The following GAB2 variants were observed in gnomAD, a reference collection of about 807,000 sequenced individuals.
The protein encoded by GAB2 is GRB2-associated-binding protein 2.
GAB2 carries 26 observed loss-of-function variants against 65.5 expected under a neutral mutation model. The ratio of observed to expected loss-of-function variants is 0.40; its 90% confidence interval spans 0.29 to 0.55. GAB2 has a LOEUF of 0.55. GAB2 is among the 20% of genes least tolerant of loss of function. The pLI, the probability that GAB2 is intolerant of heterozygous loss-of-function variation, is 0.53. For synonymous variants in GAB2, 321 were observed against 329.6 expected, an observed-to-expected ratio of 0.97 and a Z score of 0.28; for missense variants, 884 against 875.8, an observed-to-expected ratio of 1.01 and a Z score of -0.12.
chr11:78,286,993 G>A (rs1866502368), intron 1 of GAB2, among the ~76,000 whole-genome samples: 1 of 152,074 alleles, frequency 6.6e-6, no homozygotes, highest in Non-Finnish European at 1.5e-5. Context: ...ATGGATTATG[G>A]ACTTACACAT....
chr11:78,244,225 C>CT (rs1296059775), intron 3 of GAB2, among the ~76,000 whole-genome samples: 2 of 152,022 alleles, frequency 1.3e-5, no homozygotes, highest in Non-Finnish European at 2.9e-5. Context: ...AATCCTGTCT[C>CT]TATTAAAAAT....
intron 1 of GAB2, among the ~76,000 whole-genome samples, chr11:78,377,851 G>T (rs1856651072): frequency 6.6e-6 from 1 of 152,166 alleles, no homozygotes; most frequent in African/African-American, 2.4e-5. Flanking sequence ...CAGAGATAAG[G>T]AGGATGAATC....
At chr11:78,274,150 C>A (rs1372676293) in intron 2 of GAB2, among the ~76,000 whole-genome samples, 1 of 152,154 alleles carries the variant, frequency 6.6e-6, no homozygotes, top group Non-Finnish European at 1.5e-5. Context: ...TGGTGCACAC[C>A]TGTAGTCCCA....
chr11:78,341,213 C>T (rs1856088207), intron 1 of GAB2, among the ~76,000 whole-genome samples: 1 of 152,164 alleles, frequency 6.6e-6, no homozygotes, highest in Admixed American at 6.5e-5. Context: ...TGGATATATT[C>T]ATTTATTCAT....
intron 2 of GAB2, among the ~76,000 whole-genome samples, chr11:78,266,237 AAT>A (rs1554980627): frequency 1.3e-5 from 2 of 150,464 alleles, no homozygotes; most frequent in African/African-American, 4.9e-5. Context: ...AAAAAAAAAA[AAT>A]CATGTGGATA....
rs1443372967 is a variant in GAB2, at chr11:78,417,655, C to T, written c.66G>A (p.Leu22=). 1.4e-6 allele frequency: 2 copies of T among 1,387,784 alleles called. No homozygotes were observed. The highest frequency in any genetic ancestry group is 2.6e-5 in the South Asian group (2 of 76,772). 86.0% of individuals were successfully genotyped at this position (1,387,784 alleles called of 1,614,324 possible). A position where few individuals can be genotyped will look rare whatever the true frequency, so the allele number is the denominator to read the frequency against. ...WLRKSPPEKK[L]RRYAWKKRWF... ...CCGCGCCCGCACTCACATAGCGCCTCAACTTCTTCTCGGGAGGCGATTTCC... is the reference window on the plus strand; with the variant it reads ...CCGCGCCCGCACTCACATAGCGCCTTAACTTCTTCTCGGGAGGCGATTTCC... The change falls in exon 1 of 10, where the codon TTG becomes TTA. Residue 22 remains leucine (L), a synonymous_variant. Transcript: ENST00000361507.
intron 1 of GAB2, among the ~76,000 whole-genome samples, chr11:78,313,834 C>G (rs1002924073): frequency 6.6e-6 from 1 of 152,186 alleles, no homozygotes; most frequent in Admixed American, 6.5e-5. Context: ...CCTGGGGCCT[C>G]TACAAATTGA....
chr11:78,323,267 TG>T (rs1447503474), intron 1 of GAB2, among the ~76,000 whole-genome samples: 2 of 152,162 alleles, frequency 1.3e-5, no homozygotes, highest in African/African-American at 4.8e-5. Context: ...CCCTGCACTT[TG>T]GGAGACTGAG....
chr11:78,287,644 T>G (rs1169664026), intron 1 of GAB2, among the ~76,000 whole-genome samples: 1 of 147,528 alleles, frequency 6.8e-6, no homozygotes, highest in Non-Finnish European at 1.5e-5. Flanking sequence ...ACATTTGCTC[T>G]TATCATTTTT....
intron 1 of GAB2, among the ~76,000 whole-genome samples, chr11:78,377,086 A>G (rs548899861): frequency 1.3e-5 from 2 of 152,352 alleles, no homozygotes; most frequent in South Asian, 4.1e-4. Flanking sequence ...GCTTCACCAG[A>G]AGCTGAGCAG....
At chr11:78,309,787 G>GA (rs1433371730) in intron 1 of GAB2, among the ~76,000 whole-genome samples, 1 of 152,148 alleles carries the variant, frequency 6.6e-6, no homozygotes, top group Non-Finnish European at 1.5e-5. Context: ...AGGATATAGA[G>GA]AGTAACATCC....
chr11:78,406,035 C>A (rs1322303536), intron 1 of GAB2, among the ~76,000 whole-genome samples: 2 of 152,192 alleles, frequency 1.3e-5, no homozygotes, highest in African/African-American at 4.8e-5. Context: ...CAGAGGTTGT[C>A]ATGAGGCCAG....
Position 78,226,620 on chromosome 11 carries a change from G to GGGGGGGGGGGGGCCCC in GAB2, c.1051_1052insGGGGCCCCCCCCCCCC (p.Pro351ArgfsTer32). On this transcript the variant is annotated frameshift_variant, in exon 4 of 10. Transcript: ENST00000361507. LOFTEE classifies it high-confidence loss of function. ...ACTTGGCTTGGGGGGGCGGGGTGGG[G>GGGGGGGGGGGGGCCCC]GAGCTATGGCTGAGTCCCCAGGAGT... 2 of 1,500,546 alleles carry GGGGGGGGGGGGGCCCC rather than the reference G, an allele frequency of 1.3e-6. No homozygotes were observed. Among genetic ancestry groups the GGGGGGGGGGGGGCCCC allele is most frequent in the Non-Finnish European group, 1.9e-6 (2 of 1,079,010 alleles). The allele number at this position is 1,500,546 out of a possible 1,614,324, so 93.0% of individuals were successfully genotyped here. A position where few individuals can be genotyped will look rare whatever the true frequency, so the allele number is the denominator to read the frequency against.
intron 2 of GAB2, among the ~76,000 whole-genome samples, chr11:78,256,687 C>T (rs1037508582): frequency 6.6e-6 from 1 of 152,202 alleles, no homozygotes; most frequent in African/African-American, 2.4e-5. Context: ...ACCTGTCTGT[C>T]TCACTGGGTT....
chr11:78,306,382 C>T (rs192933399), intron 1 of GAB2, among the ~76,000 whole-genome samples: 34 of 152,264 alleles, frequency 2.2e-4, no homozygotes, highest in Admixed American at 8.5e-4. Context: ...AGGCACACGC[C>T]GCCACGCCCG....
At chr11:78,220,680 G>T (rs1198759033) in intron 8 of GAB2, among the ~76,000 whole-genome samples, 1 of 152,144 alleles carries the variant, frequency 6.6e-6, no homozygotes, top group Non-Finnish European at 1.5e-5. Flanking sequence ...TTTACTTTCA[G>T]AGAAGTGACT....
intron 3 of GAB2, among the ~76,000 whole-genome samples, chr11:78,231,584 G>A (rs1323919565): frequency 2.0e-5 from 3 of 152,130 alleles, no homozygotes; most frequent in Non-Finnish European, 1.5e-5. Context: ...TCCTGACCTC[G>A]TGGTCTGCCC....
chr11:78,395,437 G>T (rs892931683), intron 1 of GAB2, among the ~76,000 whole-genome samples: 1 of 152,202 alleles, frequency 6.6e-6, no homozygotes, highest in Admixed American at 6.5e-5. Flanking sequence ...CCGGGCAACA[G>T]CAAGTCTCCA....
intron 1 of GAB2, among the ~76,000 whole-genome samples, chr11:78,336,778 T>C (rs1268922032): frequency 2.6e-5 from 4 of 152,100 alleles, no homozygotes; most frequent in East Asian, 1.9e-4. Context: ...CAGGAATAAA[T>C]AGCATGGGAA....
Sources: gnomAD v4.1 joint callset for allele counts (sites outside exome capture counted in the v4.1 genomes callset) on GRCh38, gnomAD v4.1.1 for gene constraint, MANE v1.5 for transcripts, NCBI Gene and HGNC (gene_info 2026-07-23, HGNC 2026-07-21) for gene names.